The following SULF2 variants were observed in gnomAD, a reference collection of about 807,000 sequenced individuals.
The protein encoded by SULF2 is sulfatase 2, also known as extracellular sulfatase Sulf-2.
SULF2 carries 52 observed loss-of-function variants against 107.7 expected under a neutral mutation model. That is an observed-to-expected ratio of 0.48 (90% CI 0.39 to 0.61). The LOEUF is 0.61. Among genes scored for constraint, SULF2 ranks in the 20% least tolerant of loss-of-function variants. The pLI is 0.00. For missense variants in SULF2, 993 were observed against 1,177.3 expected (o/e 0.84, Z 2.29); for synonymous variants, 460 against 464.3 (o/e 0.99, Z 0.12).
chr20:47,674,918 G>T (rs1257893953), intron 10 of SULF2, among the ~76,000 whole-genome samples: 2 of 152,200 alleles, frequency 1.3e-5, no homozygotes, highest in African/African-American at 4.8e-5. Context: ...GGTCCCCAAA[G>T]CTCCGGGGCT....
chr20:47,661,660 A>G, intron 18 of SULF2, 113 bp downstream of exon 18: 1 of 1,171,158 alleles, frequency 8.5e-7, no homozygotes, highest in Non-Finnish European at 1.1e-6. Context: ...GAACTGTATC[A>G]CCTCCCAAAG....
chr20:47,690,278 G>A lies in SULF2; in HGVS notation c.585C>T (p.Leu195=), dbSNP rs756623773. The A allele has an allele frequency of 1.3e-6, 2 of 1,511,262 alleles. No homozygotes were observed. The highest frequency in any genetic ancestry group is 2.0e-5 in the Admixed American group (1 of 49,738). 93.6% of individuals were successfully genotyped at this position (1,511,262 alleles called of 1,614,324 possible). The change falls in exon 5 of 21, where the codon CTC becomes CTT. Residue 195 remains leucine (L), a synonymous_variant. Transcript: ENST00000688720. Reference sequence around the variant, plus strand: ...AGAAGCTCACGCTGTCATTGGTGATGAGGTCTGTGAGGTAATCCTGGGGGG... The same window carrying A: ...AGAAGCTCACGCTGTCATTGGTGATAAGGTCTGTGAGGTAATCCTGGGGGG... ...SDYSKDYLTD[L]ITNDSVSFFR... is the part of the protein sequence containing the mutation.
intron 2 of SULF2, among the ~76,000 whole-genome samples, chr20:47,756,865 C>T (rs958215373): frequency 8.5e-5 from 13 of 152,110 alleles, no homozygotes; most frequent in African/African-American, 2.7e-4. Context: ...AGGCTGGTCT[C>T]GAACCCCTGA....
chr20:47,699,429 ATAGTAG>A (rs1403026989), intron 4 of SULF2, among the ~76,000 whole-genome samples: 30 of 151,758 alleles, frequency 2.0e-4, no homozygotes, highest in South Asian at 6.2e-4. Flanking sequence ...TGAGCACTAC[ATAGTAG>A]GTGCTCAGGG....
rs2087788831 is a variant in SULF2 at position 47,680,501 on chromosome 20, C to G, written c.1065-1697G>C. Among the ~76,000 whole-genome samples the G allele has an allele frequency of 6.6e-6, 1 of 152,274 alleles. No individual in the cohort carries two copies. Among genetic ancestry groups the G allele is most frequent in the African/African-American group, 2.4e-5 (1 of 41,478 alleles). The stretch of plus-strand genomic sequence containing the variant: ...CCTGTTGAATGGTGGACAGTCCCGT[C>G]AGAGCATCTGAGTGCCTTCCCCGCT... On this transcript the variant is annotated intron_variant, in intron 7 of 20. Transcript: ENST00000688720. This position sits in a 1 kb window ranked among gnomAD's most constrained non-coding sequence, Gnocchi z 4.2.
chr20:47,764,609 T>C (rs932770228), intron 1 of SULF2, among the ~76,000 whole-genome samples: 5 of 152,290 alleles, frequency 3.3e-5, no homozygotes, highest in African/African-American at 9.6e-5. Flanking sequence ...GAGACTGTGC[T>C]GGGTGCCAGG....
intron 14 of SULF2, among the ~76,000 whole-genome samples, chr20:47,664,414 G>C (rs897639198): frequency 3.3e-5 from 5 of 152,218 alleles, no homozygotes; most frequent in African/African-American, 4.8e-5. Flanking sequence ...CTGGACTTTT[G>C]CTAGACTTTA....
chr20:47,693,620 G>A (rs2088277170), intron 4 of SULF2, among the ~76,000 whole-genome samples: 2 of 152,256 alleles, frequency 1.3e-5, no homozygotes, highest in South Asian at 4.1e-4. Flanking sequence ...GTGGAAGGAT[G>A]TGTATGATAT....
chr20:47,749,235 A>T (rs572039457), intron 2 of SULF2, among the ~76,000 whole-genome samples: 5 of 152,300 alleles, frequency 3.3e-5, no homozygotes, highest in Admixed American at 6.5e-5. Flanking sequence ...ACCTCCAGAC[A>T]TTTGTATAAT....
chr20:47,683,565 G>A (rs2087900233), intron 6 of SULF2, among the ~76,000 whole-genome samples: 1 of 150,478 alleles, frequency 6.6e-6, no homozygotes, highest in Admixed American at 6.6e-5. Context: ...TGCAGCCTAT[G>A]GCAGGATCTT....
chr20:47,722,926 T>C (rs1157591280), intron 3 of SULF2, among the ~76,000 whole-genome samples: 2 of 151,974 alleles, frequency 1.3e-5, no homozygotes, highest in Admixed American at 6.6e-5. Context: ...AATTAGCCGG[T>C]TGTGGTGGCA....
rs531524538 is a variant in SULF2 at position 47,735,253 on chromosome 20, T to C, written c.415+1450A>G. ...AAAACGAAAGGTTTCTGTACAGACC[T>C]TTCACCCAGAGGTTGTGAAAAGAGA... On this transcript the variant is annotated intron_variant, in intron 3 of 20. Coordinates refer to ENST00000688720, the MANE Select transcript of SULF2 (RefSeq NM_001387048.1). Among the ~76,000 whole-genome samples the C allele has an allele frequency of 3.0e-3, 457 of 152,250 alleles. 8 individuals are homozygous for C. The highest frequency in any genetic ancestry group is 0.026 in the South Asian group (127 of 4,818).
chr20:47,776,815 G>A (rs1388039113), intron 1 of SULF2, among the ~76,000 whole-genome samples: 1 of 152,232 alleles, frequency 6.6e-6, no homozygotes, highest in Admixed American at 6.5e-5. Flanking sequence ...TGGGGAGCAA[G>A]TGAGTGTGTA....
intron 3 of SULF2, 45 bp downstream of exon 3, chr20:47,736,658 C>T (rs1283590247): frequency 7.4e-6 from 12 of 1,610,912 alleles, no homozygotes; most frequent in Non-Finnish European, 9.3e-6. Context: ...GGACGCCCGC[C>T]CTGGCTGTCA....
Position 47,666,377 on chromosome 20 carries a change from G to A in SULF2, c.1688C>T (p.Thr563Ile). 1.9e-6 allele frequency: 3 copies of A among 1,614,096 alleles called. No homozygotes were observed. The highest frequency in any genetic ancestry group is 2.5e-6 in the Non-Finnish European group (3 of 1,180,042). The change falls in exon 12 of 21, where the codon ACC (threonine) becomes ATC (isoleucine). Residue 563 changes from threonine (T) to isoleucine (I), a missense_variant. Thr to Ile is a moderately conservative substitution (Grantham distance 89, BLOSUM62 -1). Around this residue, in one of 3 missense-constraint regions of SULF2, gnomAD observed 497 missense variants for 544.1 expected, o/e 0.91. Transcript: ENST00000688720. This position sits in a 1 kb window ranked among gnomAD's most constrained non-coding sequence, Gnocchi z 5.4. ...AGGGGCCCCTGGCCAGTGCCGCTTG[G>A]TGAGGTTTCGGGGCTGGGCGGCATC... ...LGDAAQPRNL[T>I]KRHWPGAPED...
At chr20:47,775,539 A>C (rs1401299310) in intron 1 of SULF2, among the ~76,000 whole-genome samples, 1 of 152,238 alleles carries the variant, frequency 6.6e-6, no homozygotes, top group Non-Finnish European at 1.5e-5. Context: ...ATCCTCAGTG[A>C]CACTGATCAG....
chr20:47,670,564 C>T lies in SULF2; in HGVS notation c.1576+1634G>A, dbSNP rs186932338. On this transcript the variant is annotated intron_variant, in intron 11 of 20. Coordinates refer to ENST00000688720, the MANE Select transcript of SULF2 (RefSeq NM_001387048.1). ...CATTATGCGAAGAGAAATAAGCCAG[C>T]CACAGAAGGACAAATACTGTACAAT... Among the ~76,000 whole-genome samples, 91 of 144,320 alleles carry T rather than the reference C, an allele frequency of 6.3e-4. 1 individual carries two copies. Among genetic ancestry groups the T allele is most frequent in the Admixed American group, 3.8e-3 (54 of 14,106 alleles). 94.7% of individuals were successfully genotyped at this position (144,320 alleles called of 152,430 possible).
At chr20:47,719,210 G>A (rs923722382) in intron 3 of SULF2, among the ~76,000 whole-genome samples, 1 of 152,148 alleles carries the variant, frequency 6.6e-6, no homozygotes, top group Non-Finnish European at 1.5e-5. Context: ...CTGCTTCATC[G>A]TGCCATTTTA....
chr20:47,728,256 G>C (rs2089499884), intron 3 of SULF2, among the ~76,000 whole-genome samples: 1 of 152,168 alleles, frequency 6.6e-6, no homozygotes, highest in South Asian at 2.1e-4. Context: ...CTCAAGGAGA[G>C]AGGAAGAGAG....
Sources: gnomAD v4.1 joint callset for allele counts (sites outside exome capture counted in the v4.1 genomes callset) on GRCh38, gnomAD v4.1.1 for gene constraint, gnomAD v4.1.1 regional missense constraint, Gnocchi (gnomAD v3.1) non-coding constraint, MANE v1.5 for transcripts, NCBI Gene and HGNC (gene_info 2026-07-23, HGNC 2026-07-21) for gene names.